Variants in MTMR14 observed in about 807,000 individuals in gnomAD.
MTMR14 encodes phosphatidylinositol-3,5-bisphosphate 3-phosphatase MTMR14.
MTMR14 carries 48 observed loss-of-function variants against 86.3 expected under a neutral mutation model. That is an observed-to-expected ratio of 0.56 (90% confidence interval 0.44 to 0.71). The LOEUF (loss-of-function observed/expected upper bound fraction) is 0.71, where lower values mean the gene tolerates loss of function less well. MTMR14 is among the 30% of genes least tolerant of loss of function. MTMR14 has a pLI of 0.00. For synonymous variants in MTMR14, 366 were observed against 326.1 expected (o/e 1.12, Z -1.32); for missense variants, 780 against 834.6 (o/e 0.93, Z 0.81).
intron 16 of MTMR14, 51 bp downstream of exon 16, chr3:9,689,133 A>G (rs1219485555): frequency 1.2e-6 from 2 of 1,600,416 alleles, no homozygotes; most frequent in East Asian, 2.2e-5. Context: ...GCCCGGGGCC[A>G]TCAGCACCAG....
chr3:9,663,468 G>A (rs1330806586), intron 3 of MTMR14, among the ~76,000 whole-genome samples: 1 of 124,980 alleles, frequency 8.0e-6, no homozygotes, highest in Non-Finnish European at 1.7e-5. Flanking sequence ...GAAAGTTATT[G>A]CAACTTTTTT....
chr3:9,677,444 A>G lies in MTMR14; in HGVS notation c.822+57A>G. ...TATGTCTCTTTGTAAAGGGAGGCCA[A>G]GGAGAACAACAAGCAGTCTTTGGGG... On this transcript the variant is annotated intron_variant, in intron 8 of 18. Coordinates refer to ENST00000296003, the MANE Select transcript of MTMR14 (RefSeq NM_001077525.3). This position sits in a 1 kb window ranked among gnomAD's most constrained non-coding sequence, Gnocchi z 4.2. 6.7e-7 allele frequency: 1 copy of G among 1,482,708 alleles called. No individual in the cohort carries two copies. The highest frequency in any genetic ancestry group is 2.3e-5 in the East Asian group (1 of 44,210). 91.8% of individuals were successfully genotyped at this position (1,482,708 alleles called of 1,614,324 possible). A position where few individuals can be genotyped will look rare whatever the true frequency, so the allele number is the denominator to read the frequency against.
intron 2 of MTMR14, among the ~76,000 whole-genome samples, chr3:9,661,394 A>G (rs1214159884): frequency 6.6e-6 from 1 of 152,198 alleles, no homozygotes; most frequent in Non-Finnish European, 1.5e-5. Context: ...TCCTATGAGA[A>G]TATAATGCCG....
At chr3:9,696,662 C>T (rs1215863956) in intron 17 of MTMR14, among the ~76,000 whole-genome samples, 1 of 152,192 alleles carries the variant, frequency 6.6e-6, no homozygotes, top group East Asian at 1.9e-4. Flanking sequence ...AAGACTAGCA[C>T]GGTGACCAGT....
chr3:9,649,551 T>C lies in MTMR14; in HGVS notation c.-33T>C. 1 of 1,527,750 alleles carries C rather than the reference T, an allele frequency of 6.5e-7. No individual in the cohort carries two copies. Among genetic ancestry groups the C allele is most frequent in the Non-Finnish European group, 8.8e-7 (1 of 1,138,638 alleles). 94.6% of individuals were successfully genotyped at this position (1,527,750 alleles called of 1,614,324 possible). A position where few individuals can be genotyped will look rare whatever the true frequency, so the allele number is the denominator to read the frequency against. ...GTGCAGGCAGGTGCCATGGGCCCGC[T>C]TGAGGCACACTGAGGGGACGCGGGG... On this transcript the variant is annotated 5_prime_UTR_variant, in exon 1 of 19. Transcript: ENST00000296003.
In MTMR14 at chr3:9,701,889, C is replaced by T. The variant is rs1475358213; in HGVS notation, c.1869C>T (p.Pro623=). The part of the protein sequence containing the change: ...SSTVGLRAVA[P]SPSGAIGGLL... ...CAGTGGGGCTTCGGGCAGTAGCCCCCAGTCCTTCCGGTGCCATCGGGGGCC... is the reference window on the plus strand; with the variant it reads ...CAGTGGGGCTTCGGGCAGTAGCCCCTAGTCCTTCCGGTGCCATCGGGGGCC... The change falls in exon 19 of 19, where the codon CCC becomes CCT. Residue 623 remains proline (P), a synonymous_variant. Coordinates refer to ENST00000296003, the MANE Select transcript of MTMR14 (RefSeq NM_001077525.3). The surrounding 1 kb of genome is among the most constrained non-coding windows in gnomAD (Gnocchi z 4.2). 4 of 1,614,072 alleles carry T rather than the reference C, an allele frequency of 2.5e-6. No homozygotes were observed. Among genetic ancestry groups the T allele is most frequent in the Non-Finnish European group, 3.4e-6 (4 of 1,180,060 alleles).
intron 14 of MTMR14, among the ~76,000 whole-genome samples, 157 bp from the exon 15 acceptor site, chr3:9,688,539 G>A (rs549506280): frequency 6.6e-6 from 1 of 152,320 alleles, no homozygotes; most frequent in East Asian, 1.9e-4. Context: ...GGTCCCAGAA[G>A]TGGCCCTGGT....
rs757805832 is a variant in MTMR14 at position 9,671,148 on chromosome 3, A to C, written c.655A>C (p.Lys219Gln). ...CATCTGTGACCTGATGGTGGAGAAC[A>C]AGAAGGTGAAGTTTGGCATGAAGTA... ...KYICDLMVEN[K>Q]KVKFGMNVTS... Residue 219 changes from lysine to glutamine, a missense_variant, in exon 6 of 19, where the codon AAG becomes CAG. Lys to Gln is a moderately conservative substitution (Grantham distance 53). Transcript: ENST00000296003. 2 of 1,614,236 alleles carry C rather than the reference A, an allele frequency of 1.2e-6. No individual in the cohort carries two copies. The highest frequency in any genetic ancestry group is 2.2e-5 in the South Asian group (2 of 91,084).
In MTMR14 at chr3:9,650,987, C is replaced by T. The variant is rs139970079; in HGVS notation, c.159+1245C>T. ...TAGTTTTTAGTAGAGATGGAGTTTCCCCAGGTTGGCCAGGCTGGTCTTGAA... is the reference window on the plus strand; with the variant it reads ...TAGTTTTTAGTAGAGATGGAGTTTCTCCAGGTTGGCCAGGCTGGTCTTGAA... On this transcript the variant is annotated intron_variant, in intron 1 of 18. Transcript: ENST00000296003. Among the ~76,000 whole-genome samples the T allele has an allele frequency of 3.9e-3, 594 of 152,112 alleles. 33 individuals are homozygous for T. The East Asian group carries it at 0.11, about 27-fold the overall frequency.
Position 9,649,598 on chromosome 3 carries a change from G to GGCC in MTMR14, c.27_29dup (p.Ala11dup), listed in dbSNP as rs760033162. On this transcript the variant is annotated inframe_insertion, in exon 1 of 19. Coordinates refer to ENST00000296003, the MANE Select transcript of MTMR14 (RefSeq NM_001077525.3). ...GGGGCTGGGCCATGGCCGGCGCTCGGGCCGCCGCCGCCGCTGCCTCGGCGG... is the reference window on the plus strand; with the variant it reads ...GGGGCTGGGCCATGGCCGGCGCTCGGGCCGCCGCCGCCGCCGCTGCCTCGGCGG... 5.2e-6 allele frequency: 8 copies of GGCC among 1,546,008 alleles called. No homozygotes were observed. The highest frequency in any genetic ancestry group is 2.7e-5 in the African/African-American group (2 of 72,878).
rs573139280 is a variant in MTMR14, at chr3:9,650,342, G to C, written c.159+600G>C. The stretch of plus-strand genomic sequence containing the variant: ...TTTCCACCCAGTCGTCTTATCGCCA[G>C]ACCTGGAGGGCTTCCTGTCAGCTCA... On this transcript the variant is annotated intron_variant, in intron 1 of 18. Transcript: ENST00000296003. The C allele has an allele frequency of 4.6e-5, 21 of 456,656 alleles. 1 individual carries two copies. In the East Asian group the frequency reaches 1.5e-3, roughly 32 times the overall value. 28.3% of individuals were successfully genotyped at this position (456,656 alleles called of 1,614,324 possible).
chr3:9,695,937 G>A (rs1206360618), intron 17 of MTMR14, among the ~76,000 whole-genome samples: 2 of 152,284 alleles, frequency 1.3e-5, no homozygotes, highest in East Asian at 3.9e-4. Context: ...CAGACTGCCT[G>A]AGCCCAAGTT....
Position 9,668,730 on chromosome 3 carries a change from G to A in MTMR14, c.429G>A (p.Arg143=). 1 of 1,614,214 alleles carries A rather than the reference G, an allele frequency of 6.2e-7. No individual in the cohort carries two copies. Among genetic ancestry groups the A allele is most frequent in the Non-Finnish European group, 8.5e-7 (1 of 1,180,048 alleles). The part of the protein sequence containing the change: ...VILFKGKHIC[R]SATLAGWGEL... ...TGTTTCTCTCCCAGCACATTTGCAG[G>A]TCGGCCACACTGGCTGGATGGGGAG... Residue 143 remains arginine, a synonymous_variant, in exon 4 of 19, where the codon AGG becomes AGA. Coordinates refer to ENST00000296003, the MANE Select transcript of MTMR14 (RefSeq NM_001077525.3).
rs1014244228 is a variant in MTMR14, at chr3:9,677,161, C to T, written c.752-156C>T. 1.4e-4 allele frequency among the ~76,000 whole-genome samples: 21 copies of T among 152,228 alleles called. No individual in the cohort carries two copies. Among genetic ancestry groups the T allele is most frequent in the Admixed American group, 1.1e-3 (17 of 15,282 alleles). The stretch of plus-strand genomic sequence containing the variant: ...GGCTCGCCCCTGGCTTTTGCCCACC[C>T]GTGTCAGCCTTGGCCTCACTGAAGC... On this transcript the variant is annotated intron_variant, in intron 7 of 18. Transcript: ENST00000296003. This position sits in a 1 kb window ranked among gnomAD's most constrained non-coding sequence, Gnocchi z 4.2.
At chr3:9,676,951 C>T (rs1460801331) in intron 7 of MTMR14, among the ~76,000 whole-genome samples, 5 of 152,202 alleles carry the variant, frequency 3.3e-5, no homozygotes, top group Admixed American at 6.5e-5. Flanking sequence ...CAGTGGCTCA[C>T]GTTGTGAGTC....
intron 16 of MTMR14, 39 bp from the exon 17 acceptor site, chr3:9,689,925 A>G (rs1469075551): frequency 3.2e-6 from 5 of 1,583,918 alleles, no homozygotes; most frequent in Non-Finnish European, 4.3e-6. Flanking sequence ...CTTTGCCTGC[A>G]GTGGCCCCCG....
intron 2 of MTMR14, chr3:9,659,954 C>G: frequency 2.4e-6 from 1 of 413,408 alleles, no homozygotes; most frequent in Non-Finnish European, 4.9e-6. Flanking sequence ...CTGGGAAAAT[C>G]AGATGTAGGC....
chr3:9,655,606 G>A (rs1023695636), intron 2 of MTMR14, among the ~76,000 whole-genome samples: 14 of 149,592 alleles, frequency 9.4e-5, no homozygotes, highest in South Asian at 4.4e-4. Context: ...GATTACAGGC[G>A]CCCGCCACCA....
At chr3:9,685,797 C>A (rs986538595) in intron 13 of MTMR14, among the ~76,000 whole-genome samples, 1 of 152,298 alleles carries the variant, frequency 6.6e-6, no homozygotes, top group South Asian at 2.1e-4. Flanking sequence ...TTCTGCGCCC[C>A]CATCCTGTCG....
Sources: allele counts gnomAD v4.1 joint callset (sites outside exome capture counted in the v4.1 genomes callset), GRCh38; gene constraint gnomAD v4.1.1; non-coding constraint Gnocchi (gnomAD v3.1); transcripts MANE v1.5; gene names NCBI Gene and HGNC (gene_info 2026-07-23, HGNC 2026-07-21).